The following HFM1 variants were observed in gnomAD, a reference collection of about 807,000 sequenced individuals.
HFM1 encodes the protein helicase for meiosis 1, also known as probable ATP-dependent DNA helicase HFM1.
In HFM1, 169 loss-of-function variants were observed where a neutral mutation model predicts 192.1. The ratio of observed to expected loss-of-function variants is 0.88; its 90% CI spans 0.78 to 1.00. The LOEUF is 1.00. Ranked by LOEUF, HFM1 falls within the 50% of genes least tolerant of loss-of-function variation. The pLI, the probability that HFM1 is intolerant of heterozygous loss-of-function variation, is 0.00. For synonymous variants in HFM1, 525 were observed against 537.8 expected (o/e 0.98, Z 0.33); for missense variants, 1,661 against 1,668.0 (o/e 1.00, Z 0.07).
intron 21 of HFM1, 49 bp from the exon 22 acceptor site, chr1:91,323,248 C>T: frequency 2.1e-6 from 2 of 951,692 alleles, no homozygotes; most frequent in African/African-American, 1.7e-5. Context: ...TTTTTTATTT[C>T]CTCTCATCCT....
chr1:91,390,249 A>T (rs892678294), intron 4 of HFM1, among the ~76,000 whole-genome samples: 2 of 152,170 alleles, frequency 1.3e-5, no homozygotes, highest in Non-Finnish European at 2.9e-5. Flanking sequence ...CATCCTGGTC[A>T]ACATGGTGAA....
intron 19 of HFM1, among the ~76,000 whole-genome samples, chr1:91,345,909 T>C (rs189340048): frequency 1.3e-5 from 2 of 152,336 alleles, no homozygotes; most frequent in Non-Finnish European, 2.9e-5. Context: ...ACCCTTTTTG[T>C]CCAGTCATGT....
chr1:91,344,678 C>A (rs1400947539), intron 19 of HFM1, among the ~76,000 whole-genome samples: 1 of 99,486 alleles, frequency 1.0e-5, no homozygotes, highest in East Asian at 2.9e-4. Flanking sequence ...AATTTTAAAT[C>A]TTTTTACTAA....
intron 4 of HFM1, among the ~76,000 whole-genome samples, chr1:91,386,977 C>T (rs563994771): frequency 2.0e-5 from 3 of 152,334 alleles, no homozygotes; most frequent in African/African-American, 7.2e-5. Flanking sequence ...AGAACTACTT[C>T]TCTGCAAAGT....
At chr1:91,297,533 G>A (rs1022274845) in intron 30 of HFM1, among the ~76,000 whole-genome samples, 5 of 152,198 alleles carry the variant, frequency 3.3e-5, no homozygotes, top group Non-Finnish European at 5.9e-5. Context: ...TAACTGGGAG[G>A]CGTCCCCCAG....
At chr1:91,290,863 A>C (rs1389084712) in intron 30 of HFM1, among the ~76,000 whole-genome samples, 2 of 152,220 alleles carry the variant, frequency 1.3e-5, no homozygotes, top group East Asian at 3.8e-4. Context: ...CTCAGACCAC[A>C]GTGCAATCAA....
Position 91,356,626 on chromosome 1 carries a change from T to TA in HFM1, c.1686-3328dup, listed in dbSNP as rs1342130444. Among the ~76,000 whole-genome samples the TA allele has an allele frequency of 2.0e-5, 3 of 149,168 alleles. 1 individual carries two copies. The highest frequency in any genetic ancestry group is 2.0e-4 in the East Asian group (1 of 5,050). ...AAGATCAGAACAGAAATAAATCAAA[T>TA]AGAGATCCACCAAAAAAACATAGAA... On this transcript the variant is annotated intron_variant, in intron 13 of 38. Coordinates refer to ENST00000370425, the MANE Select transcript of HFM1 (RefSeq NM_001017975.6).
At chr1:91,297,624 G>A (rs1647866259) in intron 30 of HFM1, among the ~76,000 whole-genome samples, 2 of 152,216 alleles carry the variant, frequency 1.3e-5, no homozygotes, top group Non-Finnish European at 1.5e-5. Context: ...AGCAACATTT[G>A]CTGTTCACCA....
Position 91,328,666 on chromosome 1 carries a change from G to A in HFM1, c.2336-3900C>T, listed in dbSNP as rs1390252946. ...CACGCCACCACAGCACAAGTCAGGC[G>A]AGCTGGCCAAATGCAGTGAACTGCG... is the stretch of plus-strand genomic sequence containing the variant. On this transcript the variant is annotated intron_variant, in intron 20 of 38. Transcript: ENST00000370425. The A allele has an allele frequency of 2.2e-5, 35 of 1,595,090 alleles. 1 individual carries two copies. In the South Asian group the frequency reaches 2.5e-4, roughly 11 times the overall value.
intron 30 of HFM1, among the ~76,000 whole-genome samples, chr1:91,285,944 C>T (rs536687039): frequency 5.9e-5 from 9 of 152,224 alleles, no homozygotes; most frequent in South Asian, 2.1e-4. Flanking sequence ...ATCAAATCGA[C>T]GGTCATGGTA....
intron 3 of HFM1, among the ~76,000 whole-genome samples, chr1:91,394,749 T>C (rs1663444216): frequency 6.6e-6 from 1 of 152,142 alleles, no homozygotes; most frequent in East Asian, 1.9e-4. Context: ...ATAAATGATT[T>C]ACACACAGAA....
rs766462393 is a variant in HFM1, at chr1:91,313,383, A to C, written c.3357T>G (p.His1119Gln). The C allele has an allele frequency of 9.4e-6, 15 of 1,591,470 alleles. No homozygotes were observed. The highest frequency in any genetic ancestry group is 1.3e-5 in the Non-Finnish European group (15 of 1,163,434). ...GTCCTGCTATTGTAGATATGTCTGA[A>C]TGTTTAGAATGGGAAATCTGTGTTT... ...KSETQISHSK[H>Q]SDISTIAGPN... Residue 1119 changes from histidine to glutamine, a missense_variant, in exon 30 of 39, where the codon CAT becomes CAG. Transcript: ENST00000370425.
At chr1:91,340,711 C>T (rs1044640242) in intron 20 of HFM1, among the ~76,000 whole-genome samples, 1 of 152,116 alleles carries the variant, frequency 6.6e-6, no homozygotes, top group Admixed American at 6.5e-5. Context: ...AGACCCATCT[C>T]ATATGCAATA....
At chr1:91,395,501 A>ATATT (rs1258148696) in intron 3 of HFM1, among the ~76,000 whole-genome samples, 2 of 151,974 alleles carry the variant, frequency 1.3e-5, no homozygotes, top group South Asian at 2.1e-4. Flanking sequence ...GTTTGTTTAT[A>ATATT]TATTTATTTA....
intron 18 of HFM1, among the ~76,000 whole-genome samples, chr1:91,350,172 T>G (rs1656737255): frequency 6.6e-6 from 1 of 152,148 alleles, no homozygotes; most frequent in African/African-American, 2.4e-5. Context: ...ATCTGAAAGT[T>G]TTGAACCTCT....
At chr1:91,368,158 G>A (rs187286486) in intron 13 of HFM1, among the ~76,000 whole-genome samples, 1 of 152,330 alleles carries the variant, frequency 6.6e-6, no homozygotes, top group East Asian at 1.9e-4. Context: ...ATGGAACCAA[G>A]TTGGAAAACT....
chr1:91,385,638 T>C lies in HFM1; in HGVS notation c.691A>G (p.Ile231Val). 2 of 1,613,174 alleles carry C rather than the reference T, an allele frequency of 1.2e-6. No homozygotes were observed. Among genetic ancestry groups the C allele is most frequent in the Non-Finnish European group, 1.7e-6 (2 of 1,179,222 alleles). Reference sequence around the variant, plus strand: ...GGTGCTTTGAACATGCCTTCTCCGATTTCAGAAGCAGAAAAAGCATTATTT... The same window carrying C: ...GGTGCTTTGAACATGCCTTCTCCGACTTCAGAAGCAGAAAAAGCATTATTT... ...TANNAFSASEIGEGMFKAPSF... is the reference protein window; with the variant it reads ...TANNAFSASEVGEGMFKAPSF... The change falls in exon 5 of 39, where the codon ATC (isoleucine) becomes GTC (valine). Residue 231 changes from isoleucine to valine, a missense_variant. Physicochemically the swap from Ile to Val is conservative, Grantham distance 29. Transcript: ENST00000370425.
At chr1:91,373,770 G>A (rs1461040825) in intron 13 of HFM1, among the ~76,000 whole-genome samples, 1 of 151,892 alleles carries the variant, frequency 6.6e-6, no homozygotes, top group East Asian at 1.9e-4. Flanking sequence ...CATGTTTCTT[G>A]TACAGCCTGC....
intron 36 of HFM1, among the ~76,000 whole-genome samples, chr1:91,264,142 G>A (rs529480412): frequency 2.0e-5 from 3 of 152,132 alleles, no homozygotes; most frequent in African/African-American, 7.2e-5. Flanking sequence ...AAGGGTGAAT[G>A]AGCTCCTGGT....
Sources: allele counts gnomAD v4.1 joint callset (sites outside exome capture counted in the v4.1 genomes callset), GRCh38; gene constraint gnomAD v4.1.1; transcripts MANE v1.5; gene names NCBI Gene and HGNC (gene_info 2026-07-23, HGNC 2026-07-21).